Variants in INPP4B observed in about 807,000 individuals in gnomAD.
The protein encoded by INPP4B is inositol polyphosphate 4-phosphatase type II.
Under a neutral mutation model 122.5 loss-of-function variants are expected in INPP4B, and 55 were observed. The ratio of observed to expected loss-of-function variants is 0.45; its 90% CI spans 0.36 to 0.56. The LOEUF (loss-of-function observed/expected upper bound fraction) is 0.56. INPP4B is among the 20% of genes least tolerant of loss of function. The probability of loss-of-function intolerance (pLI) is 0.00; values close to 1 mark genes in which losing one functional copy is unlikely to be tolerated. For missense variants in INPP4B, 1,000 were observed against 1,097.7 expected (o/e 0.91, Z 1.26); for synonymous variants, 403 against 388.7 (o/e 1.04, Z -0.43).
intron 2 of INPP4B, among the ~76,000 whole-genome samples, chr4:142,562,649 C>T (rs1329877584): frequency 6.6e-6 from 1 of 151,700 alleles, no homozygotes; most frequent in Non-Finnish European, 1.5e-5. Context: ...TTGCACAAAA[C>T]CCATTTTGTG....
At chr4:142,601,762 G>A (rs1046847025) in intron 2 of INPP4B, among the ~76,000 whole-genome samples, 1 of 152,030 alleles carries the variant, frequency 6.6e-6, no homozygotes, top group African/African-American at 2.4e-5. Context: ...GAGGTCAGGA[G>A]ATCAAGACCA....
chr4:142,543,098 T>C (rs1355499389), intron 2 of INPP4B, among the ~76,000 whole-genome samples: 1 of 152,192 alleles, frequency 6.6e-6, no homozygotes, highest in East Asian at 1.9e-4. Context: ...TCTCAAAGTA[T>C]TGATGTATGT....
chr4:142,500,813 T>A (rs996815799), intron 2 of INPP4B, among the ~76,000 whole-genome samples: 2 of 152,098 alleles, frequency 1.3e-5, no homozygotes, highest in Admixed American at 6.6e-5. Flanking sequence ...ACCTATATGA[T>A]CTACTCAAAG....
intron 2 of INPP4B, among the ~76,000 whole-genome samples, chr4:142,680,524 T>C (rs891571761): frequency 6.6e-6 from 1 of 151,874 alleles, no homozygotes; most frequent in Non-Finnish European, 1.5e-5. Flanking sequence ...AATAAAAAGA[T>C]GCAAAATTCT....
chr4:142,389,047 C>T lies in INPP4B; in HGVS notation c.372+13891G>A, dbSNP rs948175139. Among the ~76,000 whole-genome samples, 10 of 152,084 alleles carry T rather than the reference C, an allele frequency of 6.6e-5. 1 individual carries two copies. The highest frequency in any genetic ancestry group is 8.8e-5 in the Non-Finnish European group (6 of 68,014). The stretch of plus-strand genomic sequence containing the variant: ...GCAGGTGGACACAAGGTCAGGATTT[C>T]GAGACCAGCCTGGTCAACATGGTGA... On this transcript the variant is annotated intron_variant, in intron 7 of 25. Transcript: ENST00000262992.
intron 8 of INPP4B, among the ~76,000 whole-genome samples, chr4:142,314,124 A>G (rs888138080): frequency 1.3e-5 from 2 of 152,238 alleles, no homozygotes; most frequent in Non-Finnish European, 2.9e-5. Context: ...CCTGTGGGCT[A>G]TATCTTTTAG....
chr4:142,398,351 C>G (rs1800094921), intron 7 of INPP4B, among the ~76,000 whole-genome samples: 1 of 121,620 alleles, frequency 8.2e-6, no homozygotes, highest in Non-Finnish European at 1.6e-5. Flanking sequence ...GCACTCCAGC[C>G]TGGGTAACAG....
intron 24 of INPP4B, among the ~76,000 whole-genome samples, chr4:142,083,580 T>C (rs1219790066): frequency 6.6e-6 from 1 of 152,236 alleles, no homozygotes; most frequent in Non-Finnish European, 1.5e-5. Context: ...CTTTAAAAGT[T>C]GTCCGCTTTT....
intron 1 of INPP4B, among the ~76,000 whole-genome samples, chr4:142,780,991 G>C (rs1447746429): frequency 6.6e-6 from 1 of 152,152 alleles, no homozygotes. Context: ...AGACGCGTTA[G>C]AGAAATCAAT....
chr4:142,782,609 A>C (rs922150638), intron 1 of INPP4B, among the ~76,000 whole-genome samples: 1 of 151,582 alleles, frequency 6.6e-6, no homozygotes, highest in African/African-American at 2.4e-5. Context: ...ACAGTGTAAA[A>C]GTGTTCCTAT....
intron 2 of INPP4B, among the ~76,000 whole-genome samples, chr4:142,640,081 C>A (rs1005533229): frequency 6.6e-6 from 1 of 151,820 alleles, no homozygotes; most frequent in Non-Finnish European, 1.5e-5. Context: ...AGAAAGGATA[C>A]GAGGGCAACA....
chr4:142,807,367 T>C (rs1258475014), intron 1 of INPP4B, among the ~76,000 whole-genome samples: 2 of 152,026 alleles, frequency 1.3e-5, no homozygotes, highest in Non-Finnish European at 2.9e-5. Context: ...CTAATAAATG[T>C]GTAAAGTAGC....
At chr4:142,490,973 TC>T (rs1265477306) in intron 2 of INPP4B, among the ~76,000 whole-genome samples, 2 of 152,214 alleles carry the variant, frequency 1.3e-5, no homozygotes, top group African/African-American at 4.8e-5. Context: ...TCATTGATGA[TC>T]ACTTAGGTTG....
rs147322091 is a variant in INPP4B, at chr4:142,059,123, C to A, written c.2642+22908G>T. 2.3e-3 allele frequency among the ~76,000 whole-genome samples: 351 copies of A among 152,184 alleles called. 1 individual carries two copies. The highest frequency in any genetic ancestry group is 4.3e-3 in the Non-Finnish European group (293 of 68,004). On this transcript the variant is annotated intron_variant, in intron 25 of 25. Coordinates refer to ENST00000262992, the MANE Select transcript of INPP4B (RefSeq NM_001101669.3). ...AGAGAACATAACTTGATAAAGTAAT[C>A]GACTTTTAATATTTATTGTCAATAC...
chr4:142,831,200 T>C (rs1182274926), intron 1 of INPP4B, among the ~76,000 whole-genome samples: 1 of 152,176 alleles, frequency 6.6e-6, no homozygotes, highest in African/African-American at 2.4e-5. Flanking sequence ...AATCGAGTAC[T>C]AAATTCCAAA....
At chr4:142,423,349 A>T (rs942001854) in intron 5 of INPP4B, among the ~76,000 whole-genome samples, 1 of 152,100 alleles carries the variant, frequency 6.6e-6, no homozygotes, top group Non-Finnish European at 1.5e-5. Flanking sequence ...GCAGATTGTC[A>T]GTTGGGGCAC....
intron 5 of INPP4B, among the ~76,000 whole-genome samples, chr4:142,415,919 C>T (rs1280039047): frequency 1.3e-5 from 2 of 151,584 alleles, no homozygotes; most frequent in African/African-American, 2.4e-5. Flanking sequence ...AACCGAACAC[C>T]GCATGTTCTC....
intron 7 of INPP4B, among the ~76,000 whole-genome samples, chr4:142,391,208 G>A (rs1229155204): frequency 2.6e-5 from 4 of 152,166 alleles, no homozygotes. Flanking sequence ...AGTTACCAGT[G>A]CTAGGCACCT....
intron 1 of INPP4B, among the ~76,000 whole-genome samples, chr4:142,789,874 G>T (rs1050631491): frequency 1.3e-5 from 2 of 151,998 alleles, no homozygotes; most frequent in Admixed American, 1.3e-4. Context: ...CATGGTACTG[G>T]TTTAAAAAAA....
Sources: allele counts gnomAD v4.1 joint callset (sites outside exome capture counted in the v4.1 genomes callset), GRCh38; gene constraint gnomAD v4.1.1; transcripts MANE v1.5; gene names NCBI Gene and HGNC (gene_info 2026-07-23, HGNC 2026-07-21).